Variants in FAF1 observed in about 807,000 individuals in gnomAD.
The protein encoded by FAF1 is FAS-associated factor 1.
Under a neutral mutation model 92.5 loss-of-function variants are expected in FAF1, and 25 were observed. That is an observed-to-expected ratio of 0.27 (90% CI 0.20 to 0.38). The LOEUF is 0.38. FAF1 is among the 10% of genes least tolerant of loss of function. The probability of loss-of-function intolerance (pLI) is 1.00; values close to 1 mark genes in which losing one functional copy is unlikely to be tolerated. For synonymous variants in FAF1, 234 were observed against 273.2 expected (o/e 0.86, Z 1.42); for missense variants, 636 against 793.3 (o/e 0.80, Z 2.38).
chr1:50,633,579 C>T (rs1258028029), intron 8 of FAF1, among the ~76,000 whole-genome samples: 3 of 152,286 alleles, frequency 2.0e-5, no homozygotes, highest in East Asian at 1.9e-4. Flanking sequence ...CACAAAAGGG[C>T]TCTGTCTTGG....
intron 17 of FAF1, among the ~76,000 whole-genome samples, chr1:50,488,112 G>A (rs1557965527): frequency 2.0e-5 from 3 of 152,160 alleles, no homozygotes; most frequent in African/African-American, 7.2e-5. Context: ...GTGACACTTG[G>A]TTAAGGGAGA....
intron 1 of FAF1, among the ~76,000 whole-genome samples, chr1:50,864,761 A>G (rs1213537301): frequency 6.6e-6 from 1 of 152,214 alleles, no homozygotes; most frequent in Non-Finnish European, 1.5e-5. Flanking sequence ...AGGCATTACC[A>G]TTCAGGACGT....
intron 6 of FAF1, among the ~76,000 whole-genome samples, chr1:50,709,489 A>C (rs1657826363): frequency 1.3e-5 from 2 of 152,228 alleles, no homozygotes; most frequent in South Asian, 4.1e-4. Context: ...GCATACAAAG[A>C]ACTACTGATT....
intron 1 of FAF1, among the ~76,000 whole-genome samples, chr1:50,958,886 T>C (rs1645293016): frequency 6.6e-6 from 1 of 152,150 alleles, no homozygotes; most frequent in Non-Finnish European, 1.5e-5. Flanking sequence ...GCCAAAAATA[T>C]CTCACTAAAA....
At chr1:50,645,556 G>T (rs1654539140) in intron 8 of FAF1, among the ~76,000 whole-genome samples, 1 of 152,234 alleles carries the variant, frequency 6.6e-6, no homozygotes, top group South Asian at 2.1e-4. Context: ...AGGCGCTATG[G>T]CTCATGCCTA....
intron 14 of FAF1, among the ~76,000 whole-genome samples, chr1:50,537,787 T>C (rs955950078): frequency 2.6e-5 from 4 of 152,136 alleles, no homozygotes; most frequent in Non-Finnish European, 4.4e-5. Flanking sequence ...TTACAATATA[T>C]TGTACTGGTT....
At chr1:50,684,306 TAC>T (rs1557473717) in intron 7 of FAF1, among the ~76,000 whole-genome samples, 2 of 143,022 alleles carry the variant, frequency 1.4e-5, no homozygotes, top group Admixed American at 7.3e-5. Flanking sequence ...AGAAAGAAAC[TAC>T]AGTCTATGAC....
chr1:50,623,344 G>A (rs1193080510), intron 8 of FAF1, among the ~76,000 whole-genome samples: 1 of 152,070 alleles, frequency 6.6e-6, no homozygotes, highest in African/African-American at 2.4e-5. Flanking sequence ...AAGGCGGGTG[G>A]ACTGCCTGAG....
At chr1:50,789,179 T>G (rs1264812892) in intron 3 of FAF1, among the ~76,000 whole-genome samples, 2 of 152,216 alleles carry the variant, frequency 1.3e-5, no homozygotes, top group Non-Finnish European at 2.9e-5. Flanking sequence ...TTATCCCTTT[T>G]ATATCCAGTA....
intron 4 of FAF1, among the ~76,000 whole-genome samples, chr1:50,750,693 G>C (rs949983996): frequency 1.4e-5 from 2 of 147,400 alleles, no homozygotes; most frequent in Admixed American, 6.9e-5. Flanking sequence ...GCGCAATCTC[G>C]GCCCACTGTA....
At chr1:50,754,161 T>C (rs927631764) in intron 4 of FAF1, among the ~76,000 whole-genome samples, 1 of 152,212 alleles carries the variant, frequency 6.6e-6, no homozygotes, top group African/African-American at 2.4e-5. Flanking sequence ...TGCCTGGTAA[T>C]TTTTTATTGG....
At chr1:50,908,721 T>C (rs1377112602) in intron 1 of FAF1, among the ~76,000 whole-genome samples, 1 of 152,168 alleles carries the variant, frequency 6.6e-6, no homozygotes, top group Non-Finnish European at 1.5e-5. Context: ...GCTTTCCATT[T>C]GCCTTCTAAA....
At chr1:50,820,160 C>T (rs934017528) in intron 2 of FAF1, among the ~76,000 whole-genome samples, 4 of 151,884 alleles carry the variant, frequency 2.6e-5, no homozygotes, top group Admixed American at 6.6e-5. Context: ...GGAATTGTTG[C>T]TTAATGAATA....
chr1:50,710,990 AC>A (rs1258220783), intron 6 of FAF1, among the ~76,000 whole-genome samples: 1 of 149,184 alleles, frequency 6.7e-6, no homozygotes, highest in African/African-American at 2.5e-5. Context: ...GCTCATTGCG[AC>A]CTCAACCTCC....
intron 1 of FAF1, among the ~76,000 whole-genome samples, chr1:50,925,230 G>A (rs1471944045): frequency 6.6e-6 from 1 of 152,052 alleles, no homozygotes; most frequent in Non-Finnish European, 1.5e-5. Flanking sequence ...ATGGATTAAA[G>A]ACTTAAATGT....
chr1:50,696,638 GACTAAAACTGT>G (rs1203791334), intron 7 of FAF1, among the ~76,000 whole-genome samples: 2 of 152,080 alleles, frequency 1.3e-5, no homozygotes, highest in Non-Finnish European at 2.9e-5. Flanking sequence ...GGATACTATG[GACTAAAACTGT>G]ACTGGCATTT....
intron 1 of FAF1, among the ~76,000 whole-genome samples, chr1:50,927,556 C>A (rs1645015932): frequency 6.6e-6 from 1 of 152,172 alleles, no homozygotes; most frequent in African/African-American, 2.4e-5. Flanking sequence ...AAAATAAAAG[C>A]TTACTGTGTG....
chr1:50,720,098 T>G (rs965292369), intron 6 of FAF1, among the ~76,000 whole-genome samples: 1 of 151,976 alleles, frequency 6.6e-6, no homozygotes, highest in Non-Finnish European at 1.5e-5. Flanking sequence ...ACCTCCTGAG[T>G]TGAAGCAATT....
At chr1:50,770,880 C>G (rs187340728) in intron 4 of FAF1, among the ~76,000 whole-genome samples, 6 of 152,302 alleles carry the variant, frequency 3.9e-5, no homozygotes, top group Admixed American at 3.9e-4. Context: ...GCTGCAGTAA[C>G]CATAACAGCA....
Sources: gnomAD v4.1 joint callset for allele counts (sites outside exome capture counted in the v4.1 genomes callset) on GRCh38, gnomAD v4.1.1 for gene constraint, MANE v1.5 for transcripts, NCBI Gene and HGNC (gene_info 2026-07-23, HGNC 2026-07-21) for gene names.